The following CAPN11 variants were observed in gnomAD, a reference collection of about 807,000 sequenced individuals.
The protein encoded by CAPN11 is calpain-11.
In CAPN11, 108 loss-of-function variants were observed where a neutral mutation model predicts 105.3. The observed-to-expected ratio is 1.03, with a 90% CI of 0.88 to 1.20. The LOEUF (loss-of-function observed/expected upper bound fraction) is 1.20, where lower values mean the gene tolerates loss of function less well. Among genes scored for constraint, CAPN11 ranks in the 50% most tolerant of loss-of-function variants. The pLI is 0.00. For missense variants in CAPN11, 883 were observed against 924.8 expected (o/e 0.95, Z 0.59); for synonymous variants, 329 against 344.5 (o/e 0.96, Z 0.50).
chr6:44,167,116 C>T (rs914502), intron 2 of CAPN11, among the ~76,000 whole-genome samples: 5,963 of 152,208 alleles, frequency 0.039, 139 homozygotes, highest in East Asian at 0.13. Flanking sequence ...GTGCCACCTG[C>T]TCAGCCATTA....
In CAPN11 at chr6:44,183,609, C is replaced by G. The variant is rs555112646; in HGVS notation, c.2135-96C>G. The stretch of plus-strand genomic sequence containing the variant: ...GATTTATGTGGGGAACAGCCAGGAA[C>G]ACCTGGTGTCGCCCCTTCCTACCTA... On this transcript the variant is annotated intron_variant, in intron 21 of 22. Transcript: ENST00000398776. 124 of 1,113,682 alleles carry G rather than the reference C, an allele frequency of 1.1e-4. No individual in the cohort carries two copies. In the African/African-American group the frequency reaches 1.7e-3, roughly 15 times the overall value. The allele number at this position is 1,113,682 out of a possible 1,614,324, so 69.0% of individuals were successfully genotyped here. A position where few individuals can be genotyped will look rare whatever the true frequency, so the allele number is the denominator to read the frequency against.
At position 44,184,181 on chromosome 6, in the gene CAPN11, A is replaced by G; in HGVS notation, c.*249A>G. 1.7e-6 allele frequency: 1 copy of G among 576,914 alleles called. No individual in the cohort carries two copies. The highest frequency in any genetic ancestry group is 2.1e-5 in the South Asian group (1 of 46,770). 35.7% of individuals were successfully genotyped at this position (576,914 alleles called of 1,614,324 possible). ...TTCTGATGGCTGGCTTTCCCCCACC[A>G]TCGCTCTCTCAGAGTATATTTTACT... On this transcript the variant is annotated 3_prime_UTR_variant, in exon 23 of 23. Coordinates refer to ENST00000398776, the MANE Select transcript of CAPN11 (RefSeq NM_007058.4).
rs1194837386 is a variant in CAPN11, at chr6:44,181,703, TCA to T, written c.1938+397_1938+398del. 3.8e-3 allele frequency among the ~76,000 whole-genome samples: 25 copies of T among 6,520 alleles called. 4 individuals carry two copies. The highest frequency in any genetic ancestry group is 6.3e-3 in the African/African-American group (3 of 474). 4.3% of individuals were successfully genotyped at this position (6,520 alleles called of 152,430 possible). On this transcript the variant is annotated intron_variant, in intron 19 of 22. Coordinates refer to ENST00000398776, the MANE Select transcript of CAPN11 (RefSeq NM_007058.4). Reference sequence around the variant, plus strand: ...ACATACAGACACAACCACACCACACTCACACACACACACACTCACAGACACAA... The same window carrying T: ...ACATACAGACACAACCACACCACACTCACACACACACACTCACAGACACAA...
Position 44,169,982 on chromosome 6 carries a change from G to T in CAPN11, c.409+7G>T. On this transcript the variant is annotated splice_region_variant and intron_variant, in intron 4 of 22. Transcript: ENST00000398776. ...ATCTGCCAGGGGATCCTCGGTGAGTGGGGCACAGGAAGCTGGTCTCCACCT... is the reference window on the plus strand; with the variant it reads ...ATCTGCCAGGGGATCCTCGGTGAGTTGGGCACAGGAAGCTGGTCTCCACCT... 2 of 1,606,534 alleles carry T rather than the reference G, an allele frequency of 1.2e-6. No homozygotes were observed. Among genetic ancestry groups the T allele is most frequent in the Non-Finnish European group, 1.7e-6 (2 of 1,175,582 alleles).
intron 12 of CAPN11, among the ~76,000 whole-genome samples, chr6:44,178,979 G>C (rs537911850): frequency 6.6e-6 from 1 of 152,044 alleles, no homozygotes; most frequent in African/African-American, 2.4e-5. Context: ...TGAGCTCTCC[G>C]GTGCACACAA....
At chr6:44,172,263 G>T in intron 4 of CAPN11, 39 bp from the exon 5 acceptor site, 2 of 1,384,556 alleles carry the variant, frequency 1.4e-6, no homozygotes, top group Non-Finnish European at 2.0e-6. Flanking sequence ...ACACATATGG[G>T]GTTGCTCAGG....
rs574617476 is a variant in CAPN11, at chr6:44,173,371, G to C, written c.816G>C (p.Met272Ile). Residue 272 changes from methionine to isoleucine, a missense_variant, in exon 7 of 23, where the codon ATG (methionine) becomes ATC (isoleucine). Met to Ile is a conservative substitution (Grantham distance 10, BLOSUM62 1). Transcript: ENST00000398776. Reference sequence around the variant, plus strand: ...AGGCCGTGGAGCGATCCTCCCTCATGGGTTGCTCCATTGAAGTAAGCAAAG... The same window carrying C: ...AGGCCGTGGAGCGATCCTCCCTCATCGGTTGCTCCATTGAAGTAAGCAAAG... ...LRKAVERSSL[M>I]GCSIEVTSDS... 1 of 1,610,664 alleles carries C rather than the reference G, an allele frequency of 6.2e-7. No individual in the cohort carries two copies. Among genetic ancestry groups the C allele is most frequent in the East Asian group, 2.2e-5 (1 of 44,838 alleles).
In CAPN11 at chr6:44,166,759, GCCGAGT is replaced by G. The variant is rs1460998408; in HGVS notation, c.20_25del (p.Pro7_Ser8del). 3.2e-6 allele frequency: 5 copies of G among 1,551,476 alleles called. No homozygotes were observed. Among genetic ancestry groups the G allele is most frequent in the Non-Finnish European group, 4.4e-6 (5 of 1,146,480 alleles). ...TCCTCCCACTCTTTCTTATTCTAGGGCCGAGTCTTCCGGAGTCAGCAGAGAGCCTGG... is the reference window on the plus strand; with the variant it reads ...TCCTCCCACTCTTTCTTATTCTAGGGCTTCCGGAGTCAGCAGAGAGCCTGG... On this transcript the variant is annotated inframe_deletion and splice_region_variant, in exon 2 of 23. Coordinates refer to ENST00000398776, the MANE Select transcript of CAPN11 (RefSeq NM_007058.4).
At chr6:44,159,084 T>C (rs1582847863) in intron 1 of CAPN11, among the ~76,000 whole-genome samples, 1 of 151,918 alleles carries the variant, frequency 6.6e-6, no homozygotes, top group East Asian at 1.9e-4. Flanking sequence ...CTCAGACTGT[T>C]TGGGGAAGGA....
chr6:44,176,709 A>G, intron 10 of CAPN11, 54 bp downstream of exon 10: 1 of 1,560,606 alleles, frequency 6.4e-7, no homozygotes, highest in Non-Finnish European at 8.7e-7. Context: ...CTGGTCCTTC[A>G]TCTCCCTGCT....
chr6:44,182,957 G>C lies in CAPN11; in HGVS notation c.1955G>C (p.Cys652Ser). 1 of 1,609,560 alleles carries C rather than the reference G, an allele frequency of 6.2e-7. No homozygotes were observed. The highest frequency in any genetic ancestry group is 8.5e-7 in the Non-Finnish European group (1 of 1,177,562). The change falls in exon 20 of 23, where the codon TGT becomes TCT. Residue 652 changes from cysteine (C) to serine (S), a missense_variant. Physicochemically the swap from Cys to Ser is moderately radical, Grantham distance 112 (BLOSUM62 -1). Transcript: ENST00000398776. ...LKKWMDIFRE[C>S]DQDHSGTLNS... Reference sequence around the variant, plus strand: ...TCTCTTCAGGACATCTTCAGAGAGTGTGACCAGGACCATTCAGGCACCTTG... The same window carrying C: ...TCTCTTCAGGACATCTTCAGAGAGTCTGACCAGGACCATTCAGGCACCTTG...
chr6:44,169,449 C>G lies in CAPN11; in HGVS notation c.257C>G (p.Pro86Arg), dbSNP rs1180674118. ...GAGCTCTTCGAGGACCCCTTATTCC[C>G]TGCTGAACCCAGCTCACTGGGCTTC... ...KGELFEDPLF[P>R]AEPSSLGFKD... is the part of the protein sequence containing the mutation. The change falls in exon 3 of 23, where the codon CCT becomes CGT. Residue 86 changes from proline to arginine, a missense_variant. Transcript: ENST00000398776. 10 of 1,612,376 alleles carry G rather than the reference C, an allele frequency of 6.2e-6. No individual in the cohort carries two copies. The highest frequency in any genetic ancestry group is 8.5e-6 in the Non-Finnish European group (10 of 1,179,340).
At chr6:44,160,412 T>A (rs1290706281) in intron 1 of CAPN11, among the ~76,000 whole-genome samples, 1 of 152,094 alleles carries the variant, frequency 6.6e-6, no homozygotes, top group Non-Finnish European at 1.5e-5. Flanking sequence ...AGTCAGGAGA[T>A]CGGGACCATC....
intron 7 of CAPN11, among the ~76,000 whole-genome samples, chr6:44,173,625 C>T (rs932443215): frequency 8.6e-5 from 13 of 151,742 alleles, no homozygotes; most frequent in African/African-American, 3.2e-4. Flanking sequence ...TTCTGTCTCC[C>T]AGGCTGGAGT....
Position 44,159,274 on chromosome 6 carries a change from T to C in CAPN11, c.16+410T>C, listed in dbSNP as rs184337632. Among the ~76,000 whole-genome samples, 5 of 152,042 alleles carry C rather than the reference T, an allele frequency of 3.3e-5. No individual in the cohort carries two copies. In the East Asian group the frequency reaches 5.8e-4, roughly 18 times the overall value. On this transcript the variant is annotated intron_variant, in intron 1 of 22. Transcript: ENST00000398776. ...AAAACTTTAGGGAACAGAGAGAACCTCTCCTAAGCCTAGAAAAGCAGGTCC... is the reference window on the plus strand; with the variant it reads ...AAAACTTTAGGGAACAGAGAGAACCCCTCCTAAGCCTAGAAAAGCAGGTCC...
In CAPN11 at chr6:44,161,316, C is replaced by T. The variant is rs150298979; in HGVS notation, c.16+2452C>T. Among the ~76,000 whole-genome samples the T allele has an allele frequency of 1.5e-3, 225 of 152,254 alleles. 4 individuals are homozygous for T. The highest frequency in any genetic ancestry group is 0.01 in the Admixed American group (155 of 15,292). On this transcript the variant is annotated intron_variant, in intron 1 of 22. Coordinates refer to ENST00000398776, the MANE Select transcript of CAPN11 (RefSeq NM_007058.4). ...CCGGGTTCAAGCGATTCTCCTGCCT[C>T]AGCCTCCTGAATAGCTGGGACTACA...
In CAPN11 at chr6:44,179,989, T is replaced by A; in HGVS notation, c.1466T>A (p.Phe489Tyr). Reference sequence around the variant, plus strand: ...CAGGATGTCCACTTGAAGAAGGAATTCTTCACGAAGTATCAGGACCACGGC... The same window carrying A: ...CAGGATGTCCACTTGAAGAAGGAATACTTCACGAAGTATCAGGACCACGGC... ...NIQDVHLKKEFFTKYQDHGFS... is the reference protein window; with the variant it reads ...NIQDVHLKKEYFTKYQDHGFS... The change falls in exon 14 of 23, where the codon TTC (phenylalanine) becomes TAC (tyrosine). Residue 489 changes from phenylalanine to tyrosine, a missense_variant. Transcript: ENST00000398776. 6.2e-7 allele frequency: 1 copy of A among 1,613,690 alleles called. No individual in the cohort carries two copies. Among genetic ancestry groups the A allele is most frequent in the Non-Finnish European group, 8.5e-7 (1 of 1,179,750 alleles).
chr6:44,180,727 G>C (rs1293829311), intron 16 of CAPN11, 21 bp from the exon 17 acceptor site: 23 of 1,613,516 alleles, frequency 1.4e-5, no homozygotes, highest in Non-Finnish European at 1.9e-5. Context: ...CCCGAGTGGG[G>C]TTCACAGTTC....
At chr6:44,182,398 A>G (rs1344676290) in intron 19 of CAPN11, among the ~76,000 whole-genome samples, 1 of 152,228 alleles carries the variant, frequency 6.6e-6, no homozygotes, top group Non-Finnish European at 1.5e-5. Context: ...ATATTTTATA[A>G]CAAGTATAGC....
Sources: allele counts gnomAD v4.1 joint callset (sites outside exome capture counted in the v4.1 genomes callset), GRCh38; gene constraint gnomAD v4.1.1; transcripts MANE v1.5; gene names NCBI Gene and HGNC (gene_info 2026-07-23, HGNC 2026-07-21).